ZBTB20: variants seen among roughly 807,000 people sequenced by gnomAD.
The protein encoded by ZBTB20 is zinc finger and BTB domain containing 20, also known as zinc finger and BTB domain-containing protein 20.
ZBTB20 carries 9 observed loss-of-function variants against 56.9 expected under a neutral mutation model. The ratio of observed to expected loss-of-function variants is 0.16; its 90% confidence interval spans 0.10 to 0.28. The LOEUF (loss-of-function observed/expected upper bound fraction) is 0.28. Among genes scored for constraint, ZBTB20 ranks in the 10% least tolerant of loss-of-function variants. The pLI is 1.00. For synonymous variants in ZBTB20, 417 were observed against 420.7 expected (o/e 0.99, Z 0.11); for missense variants, 655 against 1,003.0 (o/e 0.65, Z 4.69).
chr3:114,359,022 T>C (rs372188198), intron 10 of ZBTB20, among the ~76,000 whole-genome samples: 4 of 152,294 alleles, frequency 2.6e-5, no homozygotes, highest in African/African-American at 7.2e-5. Flanking sequence ...TGCTTTTCTA[T>C]GTAAAATTTT....
intron 3 of ZBTB20, among the ~76,000 whole-genome samples, chr3:114,912,535 T>C (rs2075583345): frequency 6.6e-6 from 1 of 152,102 alleles, no homozygotes; most frequent in South Asian, 2.1e-4. Flanking sequence ...TATAGGCACA[T>C]AATGCCTAAT....
chr3:115,097,182 T>C (rs1420147387), intron 1 of ZBTB20, among the ~76,000 whole-genome samples: 1 of 152,202 alleles, frequency 6.6e-6, no homozygotes, highest in Non-Finnish European at 1.5e-5. Context: ...TTTGATTTTA[T>C]TTATTTATTT....
chr3:114,612,864 T>C (rs1391658064), intron 6 of ZBTB20, among the ~76,000 whole-genome samples: 1 of 152,234 alleles, frequency 6.6e-6, no homozygotes, highest in Non-Finnish European at 1.5e-5. Context: ...CCGAATATTT[T>C]TAATGCTGAT....
chr3:115,014,823 C>T (rs2079878100), intron 2 of ZBTB20, among the ~76,000 whole-genome samples: 1 of 151,548 alleles, frequency 6.6e-6, no homozygotes, highest in African/African-American at 2.4e-5. Context: ...GTACTTTTCT[C>T]ATTAAAACAC....
At chr3:115,048,864 T>A (rs2081433973) in intron 2 of ZBTB20, among the ~76,000 whole-genome samples, 1 of 152,028 alleles carries the variant, frequency 6.6e-6, no homozygotes, top group African/African-American at 2.4e-5. Context: ...ATTAAAGACT[T>A]CTATCTAAAA....
chr3:114,523,381 A>C (rs1357480516), intron 6 of ZBTB20, among the ~76,000 whole-genome samples: 1 of 152,204 alleles, frequency 6.6e-6, no homozygotes, highest in Non-Finnish European at 1.5e-5. Context: ...GACTATACGC[A>C]TTTCTTGAGA....
Position 115,095,266 on chromosome 3 carries a change from A to T in ZBTB20, c.-702-23852T>A, listed in dbSNP as rs1202663715. ...CATAGTCCTTGTTCCTTGTCTCAGT[A>T]TTCTCACTTGAAAGTCAGTAGCCAG... is the stretch of plus-strand genomic sequence containing the variant. On this transcript the variant is annotated intron_variant, in intron 1 of 11. Transcript: ENST00000675478. 5.9e-5 allele frequency among the ~76,000 whole-genome samples: 9 copies of T among 152,124 alleles called. No individual in the cohort carries two copies. In the South Asian group the frequency reaches 1.9e-3, roughly 31 times the overall value.
intron 2 of ZBTB20, among the ~76,000 whole-genome samples, chr3:114,990,460 A>T (rs1199112665): frequency 1.3e-5 from 2 of 152,124 alleles, no homozygotes; most frequent in Admixed American, 6.5e-5. Context: ...AGCCCACTTG[A>T]TCATGGTGGA....
At chr3:115,070,717 C>G (rs1340454273) in intron 2 of ZBTB20, among the ~76,000 whole-genome samples, 1 of 151,954 alleles carries the variant, frequency 6.6e-6, no homozygotes. Flanking sequence ...TCTTCACTGA[C>G]AAAAACTAAG....
chr3:114,664,228 T>C (rs576387520), intron 6 of ZBTB20, among the ~76,000 whole-genome samples: 20 of 152,016 alleles, frequency 1.3e-4, no homozygotes, highest in Admixed American at 3.9e-4. Flanking sequence ...AGTTTGTGGT[T>C]GCCCTGGTAA....
At chr3:114,621,592 A>G (rs2058323225) in intron 6 of ZBTB20, among the ~76,000 whole-genome samples, 1 of 152,158 alleles carries the variant, frequency 6.6e-6, no homozygotes, top group South Asian at 2.1e-4. Context: ...GGGTAACAAC[A>G]ATTCTGTTAT....
At chr3:115,087,702 T>C (rs2083039952) in intron 1 of ZBTB20, among the ~76,000 whole-genome samples, 1 of 151,964 alleles carries the variant, frequency 6.6e-6, no homozygotes, top group Non-Finnish European at 1.5e-5. Context: ...AACTGGCTCC[T>C]ACTTCTTAAT....
intron 7 of ZBTB20, among the ~76,000 whole-genome samples, chr3:114,452,474 T>TTG (rs2109039305): frequency 6.6e-6 from 1 of 152,282 alleles, no homozygotes; most frequent in East Asian, 1.9e-4. Context: ...CACCTAGTAC[T>TTG]TGTTTTTTAT....
At chr3:114,883,293 T>A (rs563205184) in intron 4 of ZBTB20, among the ~76,000 whole-genome samples, 4 of 152,298 alleles carry the variant, frequency 2.6e-5, no homozygotes, top group South Asian at 2.1e-4. Context: ...GCTCATTGAA[T>A]AAACTAAATA....
chr3:114,994,884 T>C (rs1187608065), intron 2 of ZBTB20, among the ~76,000 whole-genome samples: 2 of 151,918 alleles, frequency 1.3e-5, no homozygotes, highest in Admixed American at 1.3e-4. Context: ...GTCTGACAGA[T>C]GTTGAATATT....
chr3:114,501,952 C>A (rs950681418), intron 6 of ZBTB20, among the ~76,000 whole-genome samples: 4 of 151,982 alleles, frequency 2.6e-5, no homozygotes, highest in African/African-American at 9.7e-5. Flanking sequence ...AGGTGATCCA[C>A]CCACCTTGGC....
At chr3:114,999,965 T>C (rs1035289000) in intron 2 of ZBTB20, among the ~76,000 whole-genome samples, 26 of 151,738 alleles carry the variant, frequency 1.7e-4, no homozygotes, top group Non-Finnish European at 2.8e-4. Context: ...TGTCAATTTA[T>C]GTTGCAATGT....
chr3:115,026,204 AT>A lies in ZBTB20; in HGVS notation c.-507+45014del, dbSNP rs1293294590. ...AACTGAAGTAAGTTAGGTAAGGTCCATTTTGACTAGGATTATTTCTGGCAAT... is the reference window on the plus strand; with the variant it reads ...AACTGAAGTAAGTTAGGTAAGGTCCATTTGACTAGGATTATTTCTGGCAAT... On this transcript the variant is annotated intron_variant, in intron 2 of 11. Coordinates refer to ENST00000675478, the MANE Select transcript of ZBTB20 (RefSeq NM_001348800.3). 3.3e-5 allele frequency among the ~76,000 whole-genome samples: 5 copies of A among 151,122 alleles called. No individual in the cohort carries two copies. In the East Asian group the frequency reaches 5.8e-4, roughly 18 times the overall value.
intron 7 of ZBTB20, among the ~76,000 whole-genome samples, chr3:114,491,836 G>C (rs1236589415): frequency 6.6e-6 from 1 of 152,044 alleles, no homozygotes; most frequent in Non-Finnish European, 1.5e-5. Flanking sequence ...CACATTTGCT[G>C]TTTCTTCACT....
Sources: allele counts gnomAD v4.1 joint callset (sites outside exome capture counted in the v4.1 genomes callset), GRCh38; gene constraint gnomAD v4.1.1; transcripts MANE v1.5; gene names NCBI Gene and HGNC (gene_info 2026-07-23, HGNC 2026-07-21).